LINGO2: variants seen among roughly 807,000 people sequenced by gnomAD.
LINGO2 encodes the protein leucine rich repeat and Ig domain containing 2.
In LINGO2, 14 loss-of-function variants were observed where a neutral mutation model predicts 30.6. The ratio of observed to expected loss-of-function variants is 0.46; its 90% CI spans 0.30 to 0.72. LINGO2 has a LOEUF of 0.72. Ranked by LOEUF, LINGO2 falls within the 30% of genes least tolerant of loss-of-function variation. The pLI is 0.07. For missense variants in LINGO2, 729 were observed against 751.7 expected (o/e 0.97, Z 0.35); for synonymous variants, 317 against 288.5 (o/e 1.10, Z -1.00).
chr9:28,618,245 T>C lies in LINGO2; in HGVS notation c.-365+51955A>G, dbSNP rs116357641. On this transcript the variant is annotated intron_variant, in intron 1 of 5. Transcript: ENST00000379992. ...CTTCCTTTATTCTTCCCCATGTCAA[T>C]TAGAGGCGGCATCACCACATATTCA... Among the ~76,000 whole-genome samples the C allele has an allele frequency of 3.0e-3, 458 of 152,262 alleles. 3 individuals carry two copies. The highest frequency in any genetic ancestry group is 0.011 in the African/African-American group (438 of 41,558).
intron 4 of LINGO2, among the ~76,000 whole-genome samples, chr9:28,036,853 C>A (rs772274051): frequency 2.0e-5 from 3 of 152,156 alleles, no homozygotes; most frequent in Non-Finnish European, 4.4e-5. Context: ...TATTTCTAGA[C>A]ACAGAAAATA....
chr9:28,618,692 A>G (rs2135815282), intron 1 of LINGO2, among the ~76,000 whole-genome samples: 1 of 152,228 alleles, frequency 6.6e-6, no homozygotes, highest in Non-Finnish European at 1.5e-5. Context: ...TGTAATGTTC[A>G]TCCTTTTTGT....
At chr9:28,624,004 T>G (rs10968686) in intron 1 of LINGO2, among the ~76,000 whole-genome samples, 14,185 of 152,136 alleles carry the variant, frequency 0.093, 868 homozygotes, top group East Asian at 0.19. Flanking sequence ...ATAGAAATGC[T>G]ACTGCTTTGT....
rs547408099 is a variant in LINGO2, at chr9:27,971,527, T to C, written c.-35-20821A>G. ...CCACCCAAGTAGCTGGGATTACAGCTGTGCATCACCACGCCTGGCTAATTT... is the reference window on the plus strand; with the variant it reads ...CCACCCAAGTAGCTGGGATTACAGCCGTGCATCACCACGCCTGGCTAATTT... On this transcript the variant is annotated intron_variant, in intron 5 of 5. Coordinates refer to ENST00000379992, the Ensembl canonical transcript of LINGO2. Among the ~76,000 whole-genome samples, 45 of 152,216 alleles carry C rather than the reference T, an allele frequency of 3.0e-4. 1 individual carries two copies. Among genetic ancestry groups the C allele is most frequent in the East Asian group, 2.3e-3 (12 of 5,178 alleles).
At chr9:28,458,338 T>C (rs1824936920) in intron 2 of LINGO2, among the ~76,000 whole-genome samples, 1 of 152,234 alleles carries the variant, frequency 6.6e-6, no homozygotes, top group Non-Finnish European at 1.5e-5. Flanking sequence ...ACTAACATAG[T>C]GACACTTGTT....
chr9:28,352,055 G>A (rs368252157), intron 3 of LINGO2, among the ~76,000 whole-genome samples: 1 of 149,914 alleles, frequency 6.7e-6, no homozygotes, highest in East Asian at 2.0e-4. Context: ...TACTGAATGG[G>A]CAAAAACTGG....
Position 28,375,574 on chromosome 9 carries a change from T to C in LINGO2, c.-278-2706A>G, listed in dbSNP as rs574640008. ...GAGATCCACTTGTCCTGGTACGCAC[T>C]GCATGCCGCAGAAGGTGCTGGTCTG... On this transcript the variant is annotated intron_variant, in intron 2 of 5. Coordinates refer to ENST00000379992, the Ensembl canonical transcript of LINGO2. Among the ~76,000 whole-genome samples, 77 of 152,316 alleles carry C rather than the reference T, an allele frequency of 5.1e-4. 1 individual carries two copies. Among genetic ancestry groups the C allele is most frequent in the Middle Eastern group, 6.8e-3 (2 of 294 alleles).
At chr9:28,189,036 C>T (rs1819647206) in intron 4 of LINGO2, among the ~76,000 whole-genome samples, 1 of 119,472 alleles carries the variant, frequency 8.4e-6, no homozygotes, top group Non-Finnish European at 1.8e-5. Flanking sequence ...ATCTGGGCAG[C>T]TGTTGGAGGA....
At chr9:28,608,496 A>T (rs1235844277) in intron 1 of LINGO2, among the ~76,000 whole-genome samples, 1 of 151,990 alleles carries the variant, frequency 6.6e-6, no homozygotes, top group Non-Finnish European at 1.5e-5. Context: ...GCATGCATTC[A>T]TACCGGTTAT....
At chr9:28,424,988 A>G (rs1823344822) in intron 2 of LINGO2, among the ~76,000 whole-genome samples, 1 of 152,078 alleles carries the variant, frequency 6.6e-6, no homozygotes, top group African/African-American at 2.4e-5. Flanking sequence ...ATAAAGCTAT[A>G]GTGAGGACCA....
the LINGO2 span, among the ~76,000 whole-genome samples, chr9:28,869,754 A>AT: frequency 6.6e-6 from 1 of 151,926 alleles, no homozygotes; most frequent in Non-Finnish European, 1.5e-5. Context: ...TCAATAGGTG[A>AT]TTTTGGACAA....
At chr9:28,226,669 A>G (rs1307946351) in intron 4 of LINGO2, among the ~76,000 whole-genome samples, 2 of 94,972 alleles carry the variant, frequency 2.1e-5, no homozygotes, top group East Asian at 5.1e-4. Context: ...GAAAGAAAGA[A>G]AGAAAGAAAG....
At chr9:28,995,654 A>C in the LINGO2 span, among the ~76,000 whole-genome samples, 1 of 152,228 alleles carries the variant, frequency 6.6e-6, no homozygotes, top group African/African-American at 2.4e-5. Flanking sequence ...GATTAAGAAA[A>C]TGTGGCACAT....
At position 28,660,399 on chromosome 9, in the gene LINGO2, A is replaced by G. The variant is rs139521779; in HGVS notation, c.-365+9801T>C. ...ATAACAGTGAAGACATAATAAAAAT[A>G]TGGTAGCATTTGTAATAAATGTAAA... On this transcript the variant is annotated intron_variant, in intron 1 of 5. Transcript: ENST00000379992. Among the ~76,000 whole-genome samples the G allele has an allele frequency of 5.1e-3, 772 of 152,220 alleles. 8 individuals are homozygous for G. The highest frequency in any genetic ancestry group is 0.018 in the African/African-American group (729 of 41,558).
the LINGO2 span, among the ~76,000 whole-genome samples, chr9:29,032,562 G>A: frequency 6.6e-6 from 1 of 152,162 alleles, no homozygotes; most frequent in Non-Finnish European, 1.5e-5. Flanking sequence ...GGGAGTCACT[G>A]TCAAAGTCTG....
chr9:29,035,701 A>G, the LINGO2 span, among the ~76,000 whole-genome samples: 5 of 151,760 alleles, frequency 3.3e-5, no homozygotes, highest in African/African-American at 9.7e-5. Flanking sequence ...AAAATAAATG[A>G]TGTTAAGAAG....
intron 2 of LINGO2, among the ~76,000 whole-genome samples, chr9:28,442,977 T>TA (rs1481663355): frequency 6.6e-6 from 1 of 151,876 alleles, no homozygotes; most frequent in East Asian, 1.9e-4. Context: ...AACATTGTTT[T>TA]TTTATCCCAC....
chr9:29,114,269 G>A, the LINGO2 span, among the ~76,000 whole-genome samples: 3 of 151,670 alleles, frequency 2.0e-5, no homozygotes, highest in South Asian at 2.1e-4. Flanking sequence ...AAACAATATT[G>A]AGTGAAAGTA....
At chr9:28,500,529 G>T (rs531835840) in intron 1 of LINGO2, among the ~76,000 whole-genome samples, 30 of 152,184 alleles carry the variant, frequency 2.0e-4, no homozygotes, top group Non-Finnish European at 3.2e-4. Context: ...AAATAGATTA[G>T]ATATAAACTG....
Sources: allele counts gnomAD v4.1 joint callset (sites outside exome capture counted in the v4.1 genomes callset), GRCh38; gene constraint gnomAD v4.1.1; transcripts MANE v1.5; gene names NCBI Gene and HGNC (gene_info 2026-07-23, HGNC 2026-07-21).